HTRA1: variants seen among roughly 807,000 people sequenced by gnomAD.
HTRA1 encodes serine protease HTRA1.
HTRA1 carries 26 observed loss-of-function variants against 49.7 expected under a neutral mutation model. The observed-to-expected ratio is 0.52, with a 90% CI of 0.38 to 0.73. HTRA1 has a LOEUF of 0.73. HTRA1 is among the 30% of genes least tolerant of loss of function. HTRA1 has a pLI of 0.00. For missense variants in HTRA1, 561 were observed against 667.2 expected, an observed-to-expected ratio of 0.84 and a Z score of 1.75; for synonymous variants, 291 against 286.9, an observed-to-expected ratio of 1.01 and a Z score of -0.14.
chr10:122,513,596 G>T (rs2097506568), intron 8 of HTRA1, among the ~76,000 whole-genome samples: 1 of 117,060 alleles, frequency 8.5e-6, no homozygotes, highest in Non-Finnish European at 1.6e-5. Flanking sequence ...AGGAGTTCGA[G>T]ACTAGCTTGG....
At chr10:122,499,036 G>A (rs552023081) in intron 3 of HTRA1, among the ~76,000 whole-genome samples, 1 of 152,258 alleles carries the variant, frequency 6.6e-6, no homozygotes, top group South Asian at 2.1e-4. Flanking sequence ...ACATCTTGGT[G>A]GTGCAGGGAT....
Position 122,510,130 on chromosome 10 carries a change from C to T in HTRA1, c.1155C>T (p.Ile385=). The part of the protein sequence containing the change: ...KAITKKKYIG[I]RMMSLTSSKA... The stretch of plus-strand genomic sequence containing the variant: ...TCACCAAGAAGAAGTATATTGGTAT[C>T]CGAATGATGTCACTCACGTCCAGGT... The change falls in exon 7 of 9, where the codon ATC becomes ATT. Residue 385 remains isoleucine (I), a synonymous_variant. Transcript: ENST00000368984. 1 of 1,614,018 alleles carries T rather than the reference C, an allele frequency of 6.2e-7. No homozygotes were observed. Among genetic ancestry groups the T allele is most frequent in the Non-Finnish European group, 8.5e-7 (1 of 1,179,898 alleles).
chr10:122,500,776 A>G (rs1371139626), intron 3 of HTRA1, among the ~76,000 whole-genome samples: 1 of 152,152 alleles, frequency 6.6e-6, no homozygotes, highest in African/African-American at 2.4e-5. Flanking sequence ...GAGTTCCAGC[A>G]GTTATGGTTC....
chr10:122,489,516 A>G lies in HTRA1; in HGVS notation c.667A>G (p.Thr223Ala). 6.2e-7 allele frequency: 1 copy of G among 1,614,170 alleles called. No homozygotes were observed. The highest frequency in any genetic ancestry group is 1.1e-5 in the South Asian group (1 of 91,076). ...GLIVTNAHVV[T>A]NKHRVKVELK... The stretch of plus-strand genomic sequence containing the variant: ...GATCGTGACAAATGCCCACGTGGTG[A>G]CCAACAAGCACCGGGTCAAAGTTGA... Residue 223 changes from threonine (T) to alanine (A), a missense_variant, in exon 3 of 9, where the codon ACC (threonine) becomes GCC (alanine). Around this residue, in one of 3 missense-constraint regions of HTRA1, gnomAD observed 271 missense variants for 410.0 expected, o/e 0.66. Transcript: ENST00000368984.
In HTRA1 at chr10:122,497,279, A is replaced by G. The variant is rs531935710; in HGVS notation, c.777+7653A>G. The stretch of plus-strand genomic sequence containing the variant: ...TCCCTGTGTTCCCATTTTATGTCAT[A>G]AATATATATTTAATTAACTTATTAT... On this transcript the variant is annotated intron_variant, in intron 3 of 8. Transcript: ENST00000368984. Among the ~76,000 whole-genome samples the G allele has an allele frequency of 2.4e-4, 36 of 152,340 alleles. No homozygotes were observed. The Middle Eastern group carries it at 0.01, about 43-fold the overall frequency.
At position 122,514,376 on chromosome 10, in the gene HTRA1, G is replaced by A. The variant is rs747199117; in HGVS notation, c.*17G>A. The A allele has an allele frequency of 3.7e-6, 6 of 1,613,124 alleles. No homozygotes were observed. In the African/African-American group the frequency reaches 8.0e-5, roughly 22 times the overall value. On this transcript the variant is annotated 3_prime_UTR_variant, in exon 9 of 9. Coordinates refer to ENST00000368984, the MANE Select transcript of HTRA1 (RefSeq NM_002775.5). The stretch of plus-strand genomic sequence containing the variant: ...GACCCATAGGCAGAGGCATGAGCTG[G>A]ACTTCATGTTTCCCTCAAAGACTCT...
chr10:122,505,947 G>A lies in HTRA1; in HGVS notation c.778-744G>A, dbSNP rs182919290. ...CTTCTGTTCCATTTTGTTGTGCAGAGTTGTTTGAGACTCCTGGCTTTGCCT... is the reference window on the plus strand; with the variant it reads ...CTTCTGTTCCATTTTGTTGTGCAGAATTGTTTGAGACTCCTGGCTTTGCCT... On this transcript the variant is annotated intron_variant, in intron 3 of 8. Transcript: ENST00000368984. Among the ~76,000 whole-genome samples, 20 of 152,348 alleles carry A rather than the reference G, an allele frequency of 1.3e-4. No homozygotes were observed. In the East Asian group the frequency reaches 3.7e-3, roughly 28 times the overall value.
intron 3 of HTRA1, among the ~76,000 whole-genome samples, chr10:122,501,721 G>A (rs1344146687): frequency 2.6e-5 from 4 of 152,128 alleles, no homozygotes; most frequent in East Asian, 3.9e-4. Flanking sequence ...GTGCCAGGGC[G>A]CTTTTGGGAC....
intron 3 of HTRA1, among the ~76,000 whole-genome samples, chr10:122,500,360 T>A (rs1001351096): frequency 6.6e-6 from 1 of 152,222 alleles, no homozygotes; most frequent in African/African-American, 2.4e-5. Flanking sequence ...TTAACTATTG[T>A]CTGCTAATGG....
intron 1 of HTRA1, among the ~76,000 whole-genome samples, chr10:122,482,917 CAAAAAAAAAAA>C (rs59042439): frequency 1.3e-5 from 1 of 75,024 alleles, no homozygotes. Context: ...GACTCTGTCT[CAAAAAAAAAAA>C]AAAAAAAAAA....
chr10:122,498,430 C>A (rs114302268), intron 3 of HTRA1, among the ~76,000 whole-genome samples: 1 of 152,150 alleles, frequency 6.6e-6, no homozygotes, highest in Admixed American at 6.5e-5. Context: ...CTGCTCACTG[C>A]GACCACCCTT....
At position 122,514,405 on chromosome 10, in the gene HTRA1, G is replaced by C. The variant is rs755792929; in HGVS notation, c.*46G>C. ...TCATGTTTCCCTCAAAGACTCTCCCGTGGATGACGGATGAGGACTCTGGGC... is the reference window on the plus strand; with the variant it reads ...TCATGTTTCCCTCAAAGACTCTCCCCTGGATGACGGATGAGGACTCTGGGC... On this transcript the variant is annotated 3_prime_UTR_variant, in exon 9 of 9. Transcript: ENST00000368984. 6.3e-7 allele frequency: 1 copy of C among 1,586,804 alleles called. No homozygotes were observed. Among genetic ancestry groups the C allele is most frequent in the African/African-American group, 1.3e-5 (1 of 74,292 alleles).
At position 122,482,403 on chromosome 10, in the gene HTRA1, T is replaced by A. The variant is rs1183401093; in HGVS notation, c.473-6499T>A. 2.6e-5 allele frequency among the ~76,000 whole-genome samples: 4 copies of A among 152,210 alleles called. No individual in the cohort carries two copies. The East Asian group carries it at 7.7e-4, about 29-fold the overall frequency. ...AAAACTATGATCAATCTAGAGCTAGTTTACAAGGTGTCTAACAGTGATCAA... is the reference window on the plus strand; with the variant it reads ...AAAACTATGATCAATCTAGAGCTAGATTACAAGGTGTCTAACAGTGATCAA... On this transcript the variant is annotated intron_variant, in intron 1 of 8. Coordinates refer to ENST00000368984, the MANE Select transcript of HTRA1 (RefSeq NM_002775.5).
intron 1 of HTRA1, among the ~76,000 whole-genome samples, chr10:122,472,362 T>TTTA (rs1565411596): frequency 7.9e-6 from 1 of 127,100 alleles, no homozygotes; most frequent in African/African-American, 2.9e-5. Context: ...ATATCATTTC[T>TTTA]TTATTACTAT....
chr10:122,507,147 G>A (rs2097503407), intron 4 of HTRA1, among the ~76,000 whole-genome samples: 1 of 152,092 alleles, frequency 6.6e-6, no homozygotes, highest in Non-Finnish European at 1.5e-5. Flanking sequence ...TTGGCTTCTG[G>A]GCTTCAGAGA....
intron 3 of HTRA1, among the ~76,000 whole-genome samples, chr10:122,500,994 C>T (rs1005672004): frequency 6.6e-6 from 1 of 152,184 alleles, no homozygotes; most frequent in East Asian, 1.9e-4. Flanking sequence ...CCCCGCTGAC[C>T]TCTGTGTGCC....
chr10:122,462,252 C>G, intron 1 of HTRA1, 128 bp downstream of exon 1: 2 of 829,204 alleles, frequency 2.4e-6, no homozygotes, highest in Non-Finnish European at 3.8e-6. Flanking sequence ...CTCTCGGGGA[C>G]AGGCAGGTGG....
intron 3 of HTRA1, among the ~76,000 whole-genome samples, chr10:122,496,224 G>GTTTTTTTTTTTTTTTTTTT (rs1565427091): frequency 6.2e-5 from 2 of 32,064 alleles, no homozygotes; most frequent in East Asian, 6.1e-4. Context: ...AGAGATTGTG[G>GTTTTTTTTTTTTTTTTTTT]GTTCTTTTTT....
chr10:122,463,775 C>T (rs1180519050), intron 1 of HTRA1, among the ~76,000 whole-genome samples: 3 of 152,230 alleles, frequency 2.0e-5, no homozygotes, highest in Non-Finnish European at 4.4e-5. Context: ...CAGCCCAGCA[C>T]TTAACTCCAA....
Sources: allele counts gnomAD v4.1 joint callset (sites outside exome capture counted in the v4.1 genomes callset), GRCh38; gene constraint gnomAD v4.1.1; regional missense constraint gnomAD v4.1.1; transcripts MANE v1.5; gene names NCBI Gene and HGNC (gene_info 2026-07-23, HGNC 2026-07-21).